Variants in DENND5B observed in about 807,000 individuals in gnomAD.
DENND5B encodes the protein DENN domain-containing protein 5B.
A neutral mutation model predicts 140.6 loss-of-function variants in DENND5B; 34 were observed. The ratio of observed to expected loss-of-function variants is 0.24; its 90% CI spans 0.18 to 0.32. The LOEUF (loss-of-function observed/expected upper bound fraction) is 0.32, where lower values mean the gene tolerates loss of function less well. Ranked by LOEUF, DENND5B falls within the 10% of genes least tolerant of loss-of-function variation. The probability of loss-of-function intolerance (pLI) is 1.00; values close to 1 mark genes in which losing one functional copy is unlikely to be tolerated. For synonymous variants in DENND5B, 551 were observed against 562.1 expected (o/e 0.98, Z 0.28); for missense variants, 1,142 against 1,560.2 (o/e 0.73, Z 4.52).
Position 31,422,860 on chromosome 12 carries a change from GAAGA to G in DENND5B, c.2470+733_2470+736del, listed in dbSNP as rs571996644. On this transcript the variant is annotated intron_variant, in intron 11 of 20. Coordinates refer to ENST00000389082, the MANE Select transcript of DENND5B (RefSeq NM_144973.4). ...TAACATGTTATATTTTCTATAAATT[GAAGA>G]GAGATTCAACTCCTGAAATTTTTGA... Among the ~76,000 whole-genome samples the G allele has an allele frequency of 9.5e-4, 144 of 151,856 alleles. 2 individuals are homozygous for G. The highest frequency in any genetic ancestry group is 8.6e-3 in the Admixed American group (131 of 15,242).
At chr12:31,437,139 C>T (rs373336083) in intron 7 of DENND5B, among the ~76,000 whole-genome samples, 1,430 of 90,752 alleles carry the variant, frequency 0.016, 25 homozygotes, top group African/African-American at 0.04. Context: ...ATAGCACCTG[C>T]CCCCCCCTTT....
intron 6 of DENND5B, among the ~76,000 whole-genome samples, chr12:31,445,417 T>A (rs1471903117): frequency 6.6e-6 from 1 of 152,022 alleles, no homozygotes; most frequent in South Asian, 2.1e-4. Flanking sequence ...AAAATAAGTA[T>A]TCCAGGCCAG....
intron 5 of DENND5B, among the ~76,000 whole-genome samples, chr12:31,450,255 G>C (rs1294851958): frequency 1.3e-5 from 2 of 152,160 alleles, no homozygotes; most frequent in Non-Finnish European, 1.5e-5. Flanking sequence ...TACCATGTTA[G>C]AACATTACCT....
chr12:31,395,942 CAAA>C (rs541816511), intron 17 of DENND5B, among the ~76,000 whole-genome samples: 8 of 91,816 alleles, frequency 8.7e-5, no homozygotes, highest in Non-Finnish European at 1.2e-4. Flanking sequence ...ATCACTGGGC[CAAA>C]AAAAAAAAAA....
intron 1 of DENND5B, among the ~76,000 whole-genome samples, chr12:31,561,100 C>T (rs1949459320): frequency 6.6e-6 from 1 of 152,076 alleles, no homozygotes; most frequent in African/African-American, 2.4e-5. Flanking sequence ...AAAGAGAACT[C>T]CGTATGTAAG....
intron 1 of DENND5B, among the ~76,000 whole-genome samples, chr12:31,531,355 A>T (rs1488274823): frequency 6.6e-6 from 1 of 152,006 alleles, no homozygotes; most frequent in Non-Finnish European, 1.5e-5. Flanking sequence ...GCATGCCACT[A>T]CGTCCCGCTA....
intron 4 of DENND5B, among the ~76,000 whole-genome samples, chr12:31,453,599 G>A (rs1944636545): frequency 6.6e-6 from 1 of 152,136 alleles, no homozygotes; most frequent in Non-Finnish European, 1.5e-5. Context: ...TACATCAATG[G>A]TTGAACATAA....
intron 19 of DENND5B, among the ~76,000 whole-genome samples, chr12:31,390,693 G>T (rs1266772409): frequency 6.6e-6 from 1 of 151,018 alleles, no homozygotes; most frequent in Non-Finnish European, 1.5e-5. Context: ...GTGGCTAATG[G>T]TTACTATACT....
chr12:31,399,159 A>G (rs577905630), intron 16 of DENND5B, among the ~76,000 whole-genome samples: 2 of 150,780 alleles, frequency 1.3e-5, no homozygotes, highest in South Asian at 4.2e-4. Context: ...AGAGAAAGAA[A>G]AAAAAAAGTT....
chr12:31,469,934 C>A (rs1288468338), intron 3 of DENND5B, among the ~76,000 whole-genome samples: 2 of 151,972 alleles, frequency 1.3e-5, no homozygotes, highest in Non-Finnish European at 2.9e-5. Flanking sequence ...ATGCACAGAA[C>A]TGTGAGCCAA....
chr12:31,440,571 A>C (rs1335642722), intron 7 of DENND5B, among the ~76,000 whole-genome samples: 1 of 152,238 alleles, frequency 6.6e-6, no homozygotes, highest in Non-Finnish European at 1.5e-5. Flanking sequence ...CTGAATATAT[A>C]ACTTTTCCAC....
In DENND5B at chr12:31,402,706, T is replaced by C. The variant is rs1407599670; in HGVS notation, c.2804-63A>G. ...ATAAAATTCTCCTTATAACAAAACATATATTAAGAACTCTTGTTGGTTTTC... is the reference window on the plus strand; with the variant it reads ...ATAAAATTCTCCTTATAACAAAACACATATTAAGAACTCTTGTTGGTTTTC... On this transcript the variant is annotated intron_variant, in intron 14 of 20. Coordinates refer to ENST00000389082, the MANE Select transcript of DENND5B (RefSeq NM_144973.4). The C allele has an allele frequency of 9.2e-6, 14 of 1,516,150 alleles. No homozygotes were observed. In the East Asian group the frequency reaches 3.2e-4, roughly 35 times the overall value. 93.9% of individuals were successfully genotyped at this position (1,516,150 alleles called of 1,614,324 possible). A position where few individuals can be genotyped will look rare whatever the true frequency, so the allele number is the denominator to read the frequency against.
intron 1 of DENND5B, among the ~76,000 whole-genome samples, chr12:31,513,966 T>C (rs1947521190): frequency 6.6e-6 from 1 of 151,972 alleles, no homozygotes; most frequent in South Asian, 2.1e-4. Context: ...GTCTCCCAAG[T>C]AGCTAGGATT....
chr12:31,570,945 A>G (rs1810117886), intron 1 of DENND5B, among the ~76,000 whole-genome samples: 1 of 152,080 alleles, frequency 6.6e-6, no homozygotes, highest in Non-Finnish European at 1.5e-5. Context: ...AAAAGCAACA[A>G]AAGCCAAAAC....
rs542560129 is a variant in DENND5B, at chr12:31,460,531, T to C, written c.905-150A>G. On this transcript the variant is annotated intron_variant, in intron 3 of 20. Coordinates refer to ENST00000389082, the MANE Select transcript of DENND5B (RefSeq NM_144973.4). ...CATACAGAAAATAGGTCAGTTCTAT[T>C]CCACTATAATTAAAGAATTAAATGG... The C allele has an allele frequency of 1.1e-3, 759 of 702,272 alleles. 1 individual carries two copies. Among genetic ancestry groups the C allele is most frequent in the Non-Finnish European group, 1.6e-3 (699 of 434,830 alleles). The allele number at this position is 702,272 out of a possible 1,614,324, so 43.5% of individuals were successfully genotyped here.
At chr12:31,440,457 T>C (rs1392502987) in intron 7 of DENND5B, among the ~76,000 whole-genome samples, 2 of 152,226 alleles carry the variant, frequency 1.3e-5, no homozygotes, top group African/African-American at 2.4e-5. Context: ...TCATTAGTTA[T>C]TTGCTTCTGT....
At chr12:31,545,303 T>A (rs548700298) in intron 1 of DENND5B, among the ~76,000 whole-genome samples, 4 of 152,182 alleles carry the variant, frequency 2.6e-5, no homozygotes, top group Non-Finnish European at 5.9e-5. Context: ...GTATATTGTA[T>A]AATGCTGAGG....
At chr12:31,457,509 A>T (rs1483555823) in intron 4 of DENND5B, among the ~76,000 whole-genome samples, 2 of 152,226 alleles carry the variant, frequency 1.3e-5, no homozygotes, top group African/African-American at 4.8e-5. Context: ...TTTCAGGGAA[A>T]GGTGGAGGAA....
chr12:31,459,220 A>AG (rs1944910340), intron 4 of DENND5B, among the ~76,000 whole-genome samples: 3 of 151,498 alleles, frequency 2.0e-5, no homozygotes, highest in Admixed American at 1.3e-4. Context: ...AAAGAAAAAA[A>AG]AAAGTAAAAA....
Sources: gnomAD v4.1 joint callset for allele counts (sites outside exome capture counted in the v4.1 genomes callset) on GRCh38, gnomAD v4.1.1 for gene constraint, MANE v1.5 for transcripts, NCBI Gene and HGNC (gene_info 2026-07-23, HGNC 2026-07-21) for gene names.